PANX3: variants seen among roughly 807,000 people sequenced by gnomAD.
PANX3 encodes the protein pannexin-3.
PANX3 carries 18 observed loss-of-function variants against 31.5 expected under a neutral mutation model. The observed-to-expected ratio is 0.57, with a 90% CI of 0.39 to 0.85. The LOEUF (loss-of-function observed/expected upper bound fraction) is 0.85, where lower values mean the gene tolerates loss of function less well. PANX3 is among the 40% of genes least tolerant of loss of function. PANX3 has a pLI of 0.00. For synonymous variants in PANX3, 194 were observed against 201.6 expected (o/e 0.96, Z 0.32); for missense variants, 426 against 485.4 (o/e 0.88, Z 1.15).
In PANX3 at chr11:124,611,582, A is replaced by C. The variant is rs768896724; in HGVS notation, c.26A>C (p.Glu9Ala). 6.2e-7 allele frequency: 1 copy of C among 1,613,876 alleles called. No individual in the cohort carries two copies. Among genetic ancestry groups the C allele is most frequent in the Non-Finnish European group, 8.5e-7 (1 of 1,179,822 alleles). The change falls in exon 1 of 4, where the codon GAG becomes GCG. Residue 9 changes from glutamate (E) to alanine (A), a missense_variant. Glu to Ala is a moderately radical substitution (Grantham distance 107). Transcript: ENST00000284288. The stretch of plus-strand genomic sequence containing the variant: ...ATGTCACTTGCACACACAGCTGCAG[A>C]GTACATGCTCTCAGATGCCCTGCTG... MSLAHTAA[E>A]YMLSDALLPD...
chr11:124,619,144 G>A, intron 3 of PANX3, 152 bp from the exon 4 acceptor site: 1 of 762,084 alleles, frequency 1.3e-6, no homozygotes, highest in Non-Finnish European at 2.1e-6. Flanking sequence ...CTCAGTTTGG[G>A]GGAGAAGCAT....
chr11:124,617,464 A>C lies in PANX3; in HGVS notation c.515A>C (p.Tyr172Ser), dbSNP rs187147069. 2 of 1,614,032 alleles carry C rather than the reference A, an allele frequency of 1.2e-6. No individual in the cohort carries two copies. The highest frequency in any genetic ancestry group is 1.1e-5 in the South Asian group (1 of 91,088). ...LKIRQKSSDP[Y>S]VFWNELEKAR... ...ATCCGGCAGAAGAGTTCCGACCCCT[A>C]TGTGTTCTGGAATGAGCTGGAGAAG... Residue 172 changes from tyrosine (Y) to serine (S), a missense_variant, in exon 3 of 4, where the codon TAT becomes TCT. Transcript: ENST00000284288.
At position 124,612,987 on chromosome 11, in the gene PANX3, G is replaced by A. The variant is rs761575653; in HGVS notation, c.189G>A (p.Pro63=). The change falls in exon 2 of 4, where the codon CCG becomes CCA. Residue 63 remains proline (P), a synonymous_variant. Coordinates refer to ENST00000284288, the MANE Select transcript of PANX3 (RefSeq NM_052959.3). The part of the protein sequence containing the change: ...AFAQEFSSGS[P]ISCFSPSNFS... ...GCTGTGTTCCTGTTGCAGGGTCTCC[G>A]ATCAGCTGCTTCTCTCCCAGTAACT... 34 of 1,613,920 alleles carry A rather than the reference G, an allele frequency of 2.1e-5. No homozygotes were observed. In the Middle Eastern group the frequency reaches 6.6e-4, roughly 31 times the overall value.
intron 3 of PANX3, 95 bp from the exon 4 acceptor site, chr11:124,619,201 G>A: frequency 1.5e-6 from 2 of 1,333,998 alleles, no homozygotes; most frequent in Non-Finnish European, 2.1e-6. Context: ...AGAATGCCAT[G>A]TTGAAAACAG....
rs1863156965 is a variant in PANX3, at chr11:124,616,775, G to A, written c.325-499G>A. 6.6e-6 allele frequency among the ~76,000 whole-genome samples: 1 copy of A among 152,220 alleles called. No individual in the cohort carries two copies. Among genetic ancestry groups the A allele is most frequent in the Non-Finnish European group, 1.5e-5 (1 of 68,042 alleles). ...ACAAGTCCAGGAAGGTGACAGGGAA[G>A]AAATGGGATTTTCTCTCCCTTAGGA... On this transcript the variant is annotated intron_variant, in intron 2 of 3. Transcript: ENST00000284288. The surrounding 1 kb of genome is among the most constrained non-coding windows in gnomAD (Gnocchi z 4.8).
rs770281606 is a variant in PANX3 at position 124,611,718 on chromosome 11, C to A, written c.162C>A (p.Phe54Leu). 6.2e-7 allele frequency: 1 copy of A among 1,613,924 alleles called. No homozygotes were observed. Among genetic ancestry groups the A allele is most frequent in the Non-Finnish European group, 8.5e-7 (1 of 1,179,884 alleles). Reference protein sequence around the residue: ...GSPLLLMSLAFAQEFSSGSPI... With the variant: ...GSPLLLMSLALAQEFSSGSPI... ...CCTTGTTGCTGATGTCCCTGGCATT[C>A]GCCCAGGAGTTCTCCTCTGGTAAGT... is the stretch of plus-strand genomic sequence containing the variant. Residue 54 changes from phenylalanine to leucine, a missense_variant, in exon 1 of 4, where the codon TTC becomes TTA. Phe to Leu is a conservative substitution (Grantham distance 22). Coordinates refer to ENST00000284288, the MANE Select transcript of PANX3 (RefSeq NM_052959.3).
rs951514033 is a variant in PANX3 at position 124,619,568 on chromosome 11, T to C, written c.812T>C (p.Ile271Thr). 9.3e-6 allele frequency: 15 copies of C among 1,614,190 alleles called. No homozygotes were observed. In the East Asian group the frequency reaches 2.7e-4, roughly 29 times the overall value. The change falls in exon 4 of 4, where the codon ATT becomes ACT. Residue 271 changes from isoleucine to threonine, a missense_variant. Physicochemically the swap from Ile to Thr is moderately conservative, Grantham distance 89. Coordinates refer to ENST00000284288, the MANE Select transcript of PANX3 (RefSeq NM_052959.3). ...CTGACATCACTGTCCATTTTCCAGA[T>C]TGTTAGCCTCTCCAGTGTAGCAATA... ...CRLTSLSIFQ[I>T]VSLSSVAIYT... is the part of the protein sequence containing the mutation.
chr11:124,618,677 C>T (rs1863180315), intron 3 of PANX3, among the ~76,000 whole-genome samples: 1 of 152,322 alleles, frequency 6.6e-6, no homozygotes, highest in Admixed American at 6.5e-5. Context: ...CAGGGTCTCA[C>T]TCTGTTGCCC....
chr11:124,617,157 C>A, intron 2 of PANX3, 117 bp from the exon 3 acceptor site: 1 of 881,826 alleles, frequency 1.1e-6, no homozygotes, highest in Non-Finnish European at 1.8e-6. Flanking sequence ...AGCCCATTCC[C>A]CAAACAGCCT....
Position 124,617,507 on chromosome 11 carries a change from C to CT in PANX3, c.539+24dup. The CT allele has an allele frequency of 6.2e-7, 1 of 1,606,982 alleles. No homozygotes were observed. The highest frequency in any genetic ancestry group is 8.5e-7 in the Non-Finnish European group (1 of 1,173,740). On this transcript the variant is annotated intron_variant, in intron 3 of 3. Transcript: ENST00000284288. ...TGGAGAAGTGAGTTGTCTCTTCCAC[C>CT]TTTTTCTGAGAAATTCAGTCAAGCA...
chr11:124,613,035 C>G lies in PANX3; in HGVS notation c.237C>G (p.Tyr79Ter), dbSNP rs199877978. The G allele has an allele frequency of 1.9e-6, 3 of 1,614,166 alleles. No individual in the cohort carries two copies. The highest frequency in any genetic ancestry group is 1.3e-5 in the African/African-American group (1 of 75,048). ...PSNFSIRQAAYVDSSCWDSLL... is the reference protein window; with the variant it reads ...PSNFSIRQAA ...ACTTCAGCATCCGGCAGGCAGCCTA[C>G]GTGGACAGCTCCTGCTGGGACTCAC... is the stretch of plus-strand genomic sequence containing the variant. Residue 79 changes from tyrosine (Y) to a stop codon, truncating the protein, a stop_gained, in exon 2 of 4, where the codon TAC becomes TAG. Coordinates refer to ENST00000284288, the MANE Select transcript of PANX3 (RefSeq NM_052959.3). LOFTEE classifies it high-confidence loss of function.
chr11:124,619,805 G>A lies in PANX3; in HGVS notation c.1049G>A (p.Cys350Tyr). Residue 350 changes from cysteine (C) to tyrosine (Y), a missense_variant, in exon 4 of 4, where the codon TGT becomes TAT. Coordinates refer to ENST00000284288, the MANE Select transcript of PANX3 (RefSeq NM_052959.3). Reference protein sequence around the residue: ...LISFSWLSVLCVLKDTTTQKH... With the variant: ...LISFSWLSVLYVLKDTTTQKH... ...TCTTTTAGCTGGCTGAGTGTCTTAT[G>A]TGTGTTGAAGGATACAACCACCCAG... 1.2e-6 allele frequency: 2 copies of A among 1,614,050 alleles called. No homozygotes were observed. Among genetic ancestry groups the A allele is most frequent in the Non-Finnish European group, 8.5e-7 (1 of 1,180,026 alleles).
Position 124,617,277 on chromosome 11 carries a change from C to G in PANX3, c.328C>G (p.Leu110Val). 6.2e-7 allele frequency: 1 copy of G among 1,603,854 alleles called. No homozygotes were observed. The change falls in exon 3 of 4, where the codon CTC becomes GTC. Residue 110 changes from leucine (L) to valine (V), a missense_variant. Coordinates refer to ENST00000284288, the MANE Select transcript of PANX3 (RefSeq NM_052959.3). ...KMKSLWPHKA[L>V]PYSLLALALL... ...CTCAGCTGCTCTCGCCCTGCAGGCC[C>G]TCCCCTACTCCCTGCTGGCCCTGGC...
chr11:124,619,830 G>C lies in PANX3; in HGVS notation c.1074G>C (p.Gln358His). 6.2e-7 allele frequency: 1 copy of C among 1,614,110 alleles called. No homozygotes were observed. The highest frequency in any genetic ancestry group is 1.1e-5 in the South Asian group (1 of 91,070). ...VLCVLKDTTTQKHNIDTVVDF... is the reference protein window; with the variant it reads ...VLCVLKDTTTHKHNIDTVVDF... ...GTGTGTTGAAGGATACAACCACCCA[G>C]AAGCACAATATTGACACAGTAGTTG... Residue 358 changes from glutamine (Q) to histidine (H), a missense_variant, in exon 4 of 4, where the codon CAG becomes CAC. By Grantham distance (24) the Gln-to-His change is conservative. Coordinates refer to ENST00000284288, the MANE Select transcript of PANX3 (RefSeq NM_052959.3).
At chr11:124,613,245 T>G in intron 2 of PANX3, 123 bp downstream of exon 2, 1 of 1,205,384 alleles carries the variant, frequency 8.3e-7, no homozygotes, top group South Asian at 1.8e-5. Context: ...GTCACTTACT[T>G]TCATGTTTCA....
intron 3 of PANX3, among the ~76,000 whole-genome samples, chr11:124,617,927 A>G (rs1347424944): frequency 6.6e-6 from 1 of 152,158 alleles, no homozygotes; most frequent in East Asian, 1.9e-4. Context: ...TTATTTATCT[A>G]TGTAATCATT....
chr11:124,614,670 C>CT (rs138365917), intron 2 of PANX3, among the ~76,000 whole-genome samples: 5,331 of 95,288 alleles, frequency 0.056, 320 homozygotes, highest in African/African-American at 0.088. Context: ...AACGCCCTTT[C>CT]TTTTTTTTTT....
chr11:124,611,604 G>A lies in PANX3; in HGVS notation c.48G>A (p.Leu16=). 6.2e-7 allele frequency: 1 copy of A among 1,614,126 alleles called. No individual in the cohort carries two copies. The highest frequency in any genetic ancestry group is 8.5e-7 in the Non-Finnish European group (1 of 1,179,978). The part of the protein sequence containing the change: ...TAAEYMLSDA[L]LPDRRGPRLK... ...CAGAGTACATGCTCTCAGATGCCCT[G>A]CTGCCTGACCGCAGGGGACCCCGCC... Residue 16 remains leucine (L), a synonymous_variant, in exon 1 of 4, where the codon CTG becomes CTA. Transcript: ENST00000284288.
Position 124,616,651 on chromosome 11 carries a change from T to C in PANX3, c.325-623T>C, listed in dbSNP as rs1053245633. Among the ~76,000 whole-genome samples the C allele has an allele frequency of 2.0e-5, 3 of 152,226 alleles. No homozygotes were observed. The highest frequency in any genetic ancestry group is 7.2e-5 in the African/African-American group (3 of 41,462). ...CCTGAAAGTCACTTATAGATTTACATGCCTGAAAGAGCCCCGCAAAGAATC... is the reference window on the plus strand; with the variant it reads ...CCTGAAAGTCACTTATAGATTTACACGCCTGAAAGAGCCCCGCAAAGAATC... On this transcript the variant is annotated intron_variant, in intron 2 of 3. Transcript: ENST00000284288. The surrounding 1 kb of genome is among the most constrained non-coding windows in gnomAD (Gnocchi z 4.8).
Sources: gnomAD v4.1 joint callset for allele counts (sites outside exome capture counted in the v4.1 genomes callset) on GRCh38, gnomAD v4.1.1 for gene constraint, Gnocchi (gnomAD v3.1) non-coding constraint, MANE v1.5 for transcripts, NCBI Gene and HGNC (gene_info 2026-07-23, HGNC 2026-07-21) for gene names.